The following PDE3B variants were observed in gnomAD, a reference collection of about 807,000 sequenced individuals.
PDE3B encodes the protein cGMP-inhibited 3',5'-cyclic phosphodiesterase 3B.
A neutral mutation model predicts 116.8 loss-of-function variants in PDE3B; 66 were observed. The observed-to-expected ratio is 0.56, with a 90% confidence interval of 0.46 to 0.69. The LOEUF is 0.69. PDE3B is among the 30% of genes least tolerant of loss of function. The pLI is 0.00. For missense variants in PDE3B, 1,384 were observed against 1,368.1 expected, an observed-to-expected ratio of 1.01 and a Z score of -0.18; for synonymous variants, 595 against 533.6, an observed-to-expected ratio of 1.12 and a Z score of -1.59.
intron 1 of PDE3B, among the ~76,000 whole-genome samples, chr11:14,740,809 C>T (rs1856746145): frequency 6.6e-6 from 1 of 152,140 alleles, no homozygotes; most frequent in Non-Finnish European, 1.5e-5. Context: ...TGTCTTTGTT[C>T]TCATTGGTTT....
intron 5 of PDE3B, 60 bp downstream of exon 5, chr11:14,804,110 A>G: frequency 1.2e-6 from 1 of 868,244 alleles, no homozygotes; most frequent in African/African-American, 1.7e-5. Flanking sequence ...GGTAGTGTAA[A>G]CACTTTTCAT....
intron 1 of PDE3B, among the ~76,000 whole-genome samples, chr11:14,684,607 T>G (rs1050714014): frequency 1.3e-5 from 2 of 151,714 alleles, no homozygotes; most frequent in East Asian, 1.9e-4. Context: ...CAGGGTGGGG[T>G]TTTTCCCCAC....
chr11:14,675,292 A>G (rs996074972), intron 1 of PDE3B, among the ~76,000 whole-genome samples: 3 of 152,174 alleles, frequency 2.0e-5, no homozygotes, highest in Admixed American at 6.5e-5. Flanking sequence ...AAGAGCAGAC[A>G]TAATCTTTGG....
chr11:14,876,032 A>C (rs1055854339), downstream of PDE3B, among the ~76,000 whole-genome samples: 35 of 152,336 alleles, frequency 2.3e-4, no homozygotes, highest in African/African-American at 7.9e-4. Flanking sequence ...AAAGCAAAAG[A>C]AAGCCTCCTC....
At chr11:14,782,419 C>T (rs1011371023) in intron 2 of PDE3B, among the ~76,000 whole-genome samples, 2 of 152,022 alleles carry the variant, frequency 1.3e-5, no homozygotes, top group Non-Finnish European at 2.9e-5. Flanking sequence ...GAGATATAGA[C>T]CAATGGAACA....
chr11:14,845,062 C>G (rs554598559), intron 12 of PDE3B, among the ~76,000 whole-genome samples: 1 of 152,124 alleles, frequency 6.6e-6, no homozygotes, highest in Non-Finnish European at 1.5e-5. Flanking sequence ...CCCTGACCCC[C>G]GAGCAGCCTA....
intron 5 of PDE3B, among the ~76,000 whole-genome samples, chr11:14,815,134 C>CA (rs948666932): frequency 3.1e-4 from 45 of 143,690 alleles, no homozygotes; most frequent in Admixed American, 1.1e-3. Context: ...GAGACTCCAT[C>CA]AAAAAAAAAA....
At chr11:14,813,429 G>A (rs554616610) in intron 5 of PDE3B, among the ~76,000 whole-genome samples, 3 of 152,250 alleles carry the variant, frequency 2.0e-5, no homozygotes, top group South Asian at 4.1e-4. Context: ...AGCAATGTCA[G>A]TCTGAATCCT....
intron 1 of PDE3B, among the ~76,000 whole-genome samples, chr11:14,748,288 T>A (rs897789997): frequency 3.3e-5 from 5 of 152,326 alleles, no homozygotes; most frequent in African/African-American, 1.2e-4. Context: ...TGTAGCTGTT[T>A]ATGTTTCAGA....
chr11:14,676,468 C>T (rs372548902), intron 1 of PDE3B, among the ~76,000 whole-genome samples: 32 of 152,152 alleles, frequency 2.1e-4, no homozygotes, highest in African/African-American at 4.6e-4. Flanking sequence ...AGAAAAAGTA[C>T]GGTAAAAATA....
the PDE3B span, chr11:14,877,446 T>A: frequency 1.3e-5 from 2 of 152,280 alleles, no homozygotes; most frequent in African/African-American, 4.8e-5. Flanking sequence ...TTTATCATTT[T>A]AAATTTTAAA....
chr11:14,659,649 C>T (rs1853830268), intron 1 of PDE3B, among the ~76,000 whole-genome samples: 1 of 152,132 alleles, frequency 6.6e-6, no homozygotes, highest in African/African-American at 2.4e-5. Context: ...CTCATCCTGT[C>T]CCTCCTCCCA....
intron 13 of PDE3B, among the ~76,000 whole-genome samples, chr11:14,859,614 T>C (rs73418667): frequency 0.13 from 20,035 of 152,198 alleles, 1,497 homozygotes; most frequent in African/African-American, 0.2. Flanking sequence ...TTATATAAAA[T>C]TAACTTTATG....
At chr11:14,860,345 G>T (rs1847925401) in intron 13 of PDE3B, among the ~76,000 whole-genome samples, 1 of 151,852 alleles carries the variant, frequency 6.6e-6, no homozygotes, top group Admixed American at 6.5e-5. Flanking sequence ...CTTCTCTCAA[G>T]TGTTTTCTAT....
At chr11:14,767,688 GATA>G (rs963226468) in intron 1 of PDE3B, among the ~76,000 whole-genome samples, 3 of 151,306 alleles carry the variant, frequency 2.0e-5, no homozygotes, top group African/African-American at 4.8e-5. Flanking sequence ...AAGTTTTTAA[GATA>G]ATAATGAGAT....
chr11:14,825,313 A>T (rs946108564), intron 7 of PDE3B, among the ~76,000 whole-genome samples: 1 of 152,188 alleles, frequency 6.6e-6, no homozygotes, highest in Non-Finnish European at 1.5e-5. Flanking sequence ...AAATGGGCTA[A>T]ATGCCCCATT....
intron 14 of PDE3B, 105 bp from the exon 15 acceptor site, chr11:14,867,401 A>G (rs1315418125): frequency 2.3e-6 from 2 of 880,732 alleles, no homozygotes; most frequent in Admixed American, 2.6e-5. Context: ...AAATATTTTG[A>G]TATAGATTGT....
chr11:14,795,124 G>A (rs561703013), intron 4 of PDE3B, among the ~76,000 whole-genome samples: 1 of 152,230 alleles, frequency 6.6e-6, no homozygotes, highest in African/African-American at 2.4e-5. Context: ...AGCAATTTAA[G>A]CTTTAGTCCC....
chr11:14,847,160 C>G (rs1308911662), intron 12 of PDE3B, among the ~76,000 whole-genome samples: 1 of 152,166 alleles, frequency 6.6e-6, no homozygotes, highest in African/African-American at 2.4e-5. Context: ...ACAGTGCAAT[C>G]AAACTGGAAC....
Sources: gnomAD v4.1 joint callset for allele counts (sites outside exome capture counted in the v4.1 genomes callset) on GRCh38, gnomAD v4.1.1 for gene constraint, MANE v1.5 for transcripts, NCBI Gene and HGNC (gene_info 2026-07-23, HGNC 2026-07-21) for gene names.